The following KDM2B variants were observed in gnomAD, a reference collection of about 807,000 sequenced individuals.
KDM2B encodes the protein lysine-specific demethylase 2B.
A neutral mutation model predicts 150.0 loss-of-function variants in KDM2B; 26 were observed. That is an observed-to-expected ratio of 0.17 (90% CI 0.13 to 0.24). The LOEUF (loss-of-function observed/expected upper bound fraction) is 0.24, where lower values mean the gene tolerates loss of function less well. Ranked by LOEUF, KDM2B falls within the 10% of genes least tolerant of loss-of-function variation. KDM2B has a pLI of 1.00. For synonymous variants in KDM2B, 734 were observed against 729.5 expected (o/e 1.01, Z -0.10); for missense variants, 1,265 against 1,816.9 (o/e 0.70, Z 5.52).
chr12:121,579,346 C>T (rs547083687), intron 1 of KDM2B, among the ~76,000 whole-genome samples: 1 of 152,330 alleles, frequency 6.6e-6, no homozygotes, highest in Non-Finnish European at 1.5e-5. Flanking sequence ...CTGCGGCGCC[C>T]GGCTCGGCGG....
intron 8 of KDM2B, among the ~76,000 whole-genome samples, chr12:121,522,719 A>G (rs941719392): frequency 3.0e-4 from 45 of 151,684 alleles, no homozygotes; most frequent in African/African-American, 9.5e-4. Context: ...TTGGTGGCAC[A>G]TGCCTGTAGT....
At chr12:121,446,457 T>C (rs1876305619) in intron 13 of KDM2B, among the ~76,000 whole-genome samples, 1 of 152,228 alleles carries the variant, frequency 6.6e-6, no homozygotes, top group Non-Finnish European at 1.5e-5. Flanking sequence ...AATTACTTTA[T>C]GAAAACCTTA....
intron 11 of KDM2B, among the ~76,000 whole-genome samples, chr12:121,501,953 C>T (rs1555302023): frequency 6.6e-6 from 1 of 152,084 alleles, no homozygotes; most frequent in African/African-American, 2.4e-5. Context: ...GCCAACTGCG[C>T]TGGTGATCTG....
intron 10 of KDM2B, among the ~76,000 whole-genome samples, chr12:121,511,529 A>G (rs1447629338): frequency 1.3e-5 from 2 of 151,992 alleles, no homozygotes; most frequent in Non-Finnish European, 2.9e-5. Context: ...CAAGTGATCC[A>G]CACGCCTCAG....
At position 121,444,222 on chromosome 12, in the gene KDM2B, C is replaced by G. The variant is rs782779915; in HGVS notation, c.2241G>C (p.Leu747=). ...CCCGGTTCATCTTCTGCTCCTTGAG[C>G]AGGGAGCCGGGCAGGTTGGAGGCGT... is the stretch of plus-strand genomic sequence containing the variant. ...FKYASNLPGS[L]LKEQKMNRDN... Residue 747 remains leucine (L), a synonymous_variant, in exon 16 of 23, where the codon CTG becomes CTC. Coordinates refer to ENST00000377071, the MANE Select transcript of KDM2B (RefSeq NM_032590.5). 59 of 1,613,606 alleles carry G rather than the reference C, an allele frequency of 3.7e-5. No homozygotes were observed. Among genetic ancestry groups the G allele is most frequent in the Admixed American group, 1.3e-4 (8 of 60,010 alleles).
rs782191260 is a variant in KDM2B, at chr12:121,444,014, G to A, written c.2449C>T (p.Arg817Trp). The A allele has an allele frequency of 1.2e-5, 19 of 1,607,424 alleles. No homozygotes were observed. In the Admixed American group the frequency reaches 2.7e-4, roughly 23 times the overall value. ...EKPQELSGRKRASSLQTSPGS... is the reference protein window; with the variant it reads ...EKPQELSGRKWASSLQTSPGS... Reference sequence around the variant, plus strand: ...TCCCAGCCCCTCCTGGTCCGTACCCGCTTGCGTCCACTCAGCTCCTGGGGC... The same window carrying A: ...TCCCAGCCCCTCCTGGTCCGTACCCACTTGCGTCCACTCAGCTCCTGGGGC... The change falls in exon 16 of 23, where the codon CGG becomes TGG. Residue 817 changes from arginine to tryptophan, a missense_variant and splice_region_variant. This residue lies in a region of KDM2B where 418 missense variants were observed against 402.4 expected (regional missense o/e 1.04). Coordinates refer to ENST00000377071, the MANE Select transcript of KDM2B (RefSeq NM_032590.5).
rs560216583 is a variant in KDM2B, at chr12:121,467,678, C to G, written c.1735-14334G>C. ...TGGCTGCACGCCGCCACCGCTGCAA[C>G]AGGAAATGCGCGCCCGGCCTGGGGT... On this transcript the variant is annotated intron_variant, in intron 12 of 22. Coordinates refer to ENST00000377071, the MANE Select transcript of KDM2B (RefSeq NM_032590.5). The surrounding 1 kb of genome is among the most constrained non-coding windows in gnomAD (Gnocchi z 5.1). The G allele has an allele frequency of 6.6e-6, 1 of 151,922 alleles. No individual in the cohort carries two copies. Among genetic ancestry groups the G allele is most frequent in the Non-Finnish European group, 1.5e-5 (1 of 67,994 alleles). 9.4% of individuals were successfully genotyped at this position (151,922 alleles called of 1,614,324 possible). A position where few individuals can be genotyped will look rare whatever the true frequency, so the allele number is the denominator to read the frequency against.
intron 6 of KDM2B, among the ~76,000 whole-genome samples, chr12:121,541,891 AC>A (rs1459201682): frequency 3.3e-5 from 5 of 152,100 alleles, no homozygotes; most frequent in African/African-American, 1.2e-4. Flanking sequence ...CTATCACAGA[AC>A]CCAGCGGTGC....
At chr12:121,428,410 G>A (rs548366805), downstream of KDM2B, among the ~76,000 whole-genome samples, 1 of 152,188 alleles carries the variant, frequency 6.6e-6, no homozygotes, top group African/African-American at 2.4e-5. Flanking sequence ...GGTCAGGCTG[G>A]TCTTGAACTC....
chr12:121,439,373 A>G (rs1874570012), intron 22 of KDM2B, among the ~76,000 whole-genome samples: 1 of 146,076 alleles, frequency 6.8e-6, no homozygotes, highest in South Asian at 2.2e-4. Flanking sequence ...TACAACTCCA[A>G]TGGTAACTTT....
rs1555311282 is a variant in KDM2B, at chr12:121,548,965, C to T, written c.595G>A (p.Val199Met). ...AGATGCTGGGGCCACATGTTGTCCA[C>T]CCAGTCCACCAGGTCTACCTGAAAG... ...RPTVVDLVDW[V>M]DNMWPQHLKE... Residue 199 changes from valine to methionine, a missense_variant, in exon 6 of 23, where the codon GTG (valine) becomes ATG (methionine). Transcript: ENST00000377071. The T allele has an allele frequency of 6.2e-7, 1 of 1,614,134 alleles. No individual in the cohort carries two copies. The highest frequency in any genetic ancestry group is 8.5e-7 in the Non-Finnish European group (1 of 1,179,956).
At chr12:121,473,610 T>C (rs1439425122) in intron 12 of KDM2B, among the ~76,000 whole-genome samples, 9 of 150,690 alleles carry the variant, frequency 6.0e-5, no homozygotes, top group South Asian at 2.1e-4. Flanking sequence ...TCCCAGCTAC[T>C]TGGAAGGCTG....
intron 22 of KDM2B, among the ~76,000 whole-genome samples, chr12:121,435,306 A>G (rs1873806737): frequency 6.6e-6 from 1 of 152,192 alleles, no homozygotes; most frequent in Admixed American, 6.5e-5. Context: ...ACTACAACAT[A>G]ATTATTTTTC....
chr12:121,566,596 G>T (rs1388554896), intron 4 of KDM2B, among the ~76,000 whole-genome samples: 1 of 151,926 alleles, frequency 6.6e-6, no homozygotes, highest in South Asian at 2.1e-4. Flanking sequence ...ACTCCAGCCC[G>T]GGCGACAAGC....
At chr12:121,547,679 T>C (rs1203899825) in intron 6 of KDM2B, among the ~76,000 whole-genome samples, 3 of 134,698 alleles carry the variant, frequency 2.2e-5, no homozygotes, top group Non-Finnish European at 4.6e-5. Flanking sequence ...AGACAGAGTC[T>C]CGCTCTGTCG....
At chr12:121,439,137 C>G (rs565392303) in intron 22 of KDM2B, among the ~76,000 whole-genome samples, 1 of 152,260 alleles carries the variant, frequency 6.6e-6, no homozygotes, top group African/African-American at 2.4e-5. Context: ...ATAGCAGGGT[C>G]ACAAGGGGTG....
At chr12:121,480,108 A>G (rs1881927863) in intron 12 of KDM2B, among the ~76,000 whole-genome samples, 1 of 152,140 alleles carries the variant, frequency 6.6e-6, no homozygotes, top group Admixed American at 6.6e-5. Flanking sequence ...TGATACAGGA[A>G]AAAATGATCA....
At chr12:121,553,421 G>A (rs1555312158) in intron 4 of KDM2B, among the ~76,000 whole-genome samples, 2 of 152,076 alleles carry the variant, frequency 1.3e-5, no homozygotes, top group African/African-American at 2.4e-5. Context: ...CCAGAGTCCT[G>A]CAAGTCAGCA....
chr12:121,425,734 C>G (rs1339361974), downstream of KDM2B, among the ~76,000 whole-genome samples: 1 of 151,572 alleles, frequency 6.6e-6, no homozygotes, highest in Non-Finnish European at 1.5e-5. Context: ...CATAAGTTGC[C>G]AGAGTTTTGT....
Sources: gnomAD v4.1 joint callset for allele counts (sites outside exome capture counted in the v4.1 genomes callset) on GRCh38, gnomAD v4.1.1 for gene constraint, gnomAD v4.1.1 regional missense constraint, Gnocchi (gnomAD v3.1) non-coding constraint, MANE v1.5 for transcripts, NCBI Gene and HGNC (gene_info 2026-07-23, HGNC 2026-07-21) for gene names.